Variants in GGTA1 observed in about 807,000 individuals in gnomAD.
The protein encoded by GGTA1 is glycoprotein alpha-galactosyltransferase 1 (inactive).
A neutral mutation model predicts 2.6 loss-of-function variants in GGTA1; 5 were observed. The observed-to-expected ratio is 1.92, with a 90% CI of 1.00 to 4.04. The LOEUF (loss-of-function observed/expected upper bound fraction) is 4.04, where lower values mean the gene tolerates loss of function less well. Ranked by LOEUF, GGTA1 falls within the 30% of genes most tolerant of loss-of-function variation. The probability of loss-of-function intolerance (pLI) is 0.00; values close to 1 mark genes in which losing one functional copy is unlikely to be tolerated. For missense variants in GGTA1, 50 were observed against 16.7 expected, an observed-to-expected ratio of 2.99 and a Z score of -3.47; for synonymous variants, 17 against 5.0, an observed-to-expected ratio of 3.38 and a Z score of -3.19.
intron 1 of GGTA1, among the ~76,000 whole-genome samples, chr9:121,498,568 T>C (rs1276829363): frequency 6.6e-6 from 1 of 152,222 alleles, no homozygotes; most frequent in Admixed American, 6.5e-5. Context: ...AAACTGAGGC[T>C]CTGTCTGGGA....
chr9:121,462,741 G>C lies in GGTA1; in HGVS notation c.116+552C>G, dbSNP rs182509302. ...ACAAAAGCCGGGATTTCACACCAGG[G>C]GATAAAGTATATCAGAAATGAAGGC... On this transcript the variant is annotated intron_variant, in intron 3 of 5. Transcript: ENST00000481799. 1.2e-4 allele frequency: 18 copies of C among 152,228 alleles called. 1 individual carries two copies. The East Asian group carries it at 3.3e-3, about 28-fold the overall frequency. 9.4% of individuals were successfully genotyped at this position (152,228 alleles called of 1,614,324 possible).
At chr9:121,458,096 G>C (rs2064928683) in intron 5 of GGTA1, among the ~76,000 whole-genome samples, 5 of 151,612 alleles carry the variant, frequency 3.3e-5, no homozygotes, top group Admixed American at 2.6e-4. Flanking sequence ...TTGCAGTAGA[G>C]ACGGGGTTTC....
intron 1 of GGTA1, among the ~76,000 whole-genome samples, chr9:121,495,966 A>G (rs1315129757): frequency 6.6e-6 from 1 of 152,250 alleles, no homozygotes; most frequent in East Asian, 1.9e-4. Flanking sequence ...CTACAGAAGT[A>G]GCATTTAAAG....
intron 1 of GGTA1, among the ~76,000 whole-genome samples, chr9:121,490,541 C>T (rs1405411306): frequency 1.3e-5 from 2 of 152,204 alleles, no homozygotes; most frequent in Non-Finnish European, 2.9e-5. Context: ...ACCACCAGAG[C>T]ACAACGGGCC....
rs113847390 is a variant in GGTA1, at chr9:121,475,049, C to T, written c.-9-7118G>A. 8.8e-3 allele frequency among the ~76,000 whole-genome samples: 1,342 copies of T among 152,196 alleles called. 24 individuals are homozygous for T. Among genetic ancestry groups the T allele is most frequent in the African/African-American group, 0.031 (1,268 of 41,514 alleles). On this transcript the variant is annotated intron_variant, in intron 1 of 5. Transcript: ENST00000481799. The stretch of plus-strand genomic sequence containing the variant: ...GAGCTGGGTAAAATAAGGCTGAGAC[C>T]CACTGGGCTGCATTCCCAGATGGTT...
chr9:121,475,129 A>G (rs1828479853), intron 1 of GGTA1, among the ~76,000 whole-genome samples: 1 of 152,194 alleles, frequency 6.6e-6, no homozygotes, highest in Non-Finnish European at 1.5e-5. Context: ...TACATGTCAT[A>G]AAGACCTTGC....
intron 2 of GGTA1, among the ~76,000 whole-genome samples, chr9:121,464,002 G>C (rs565582882): frequency 2.0e-5 from 3 of 152,162 alleles, no homozygotes; most frequent in Non-Finnish European, 4.4e-5. Flanking sequence ...AGCCTAGCAC[G>C]CATAACCCTA....
chr9:121,482,867 A>G (rs2118742194), intron 1 of GGTA1, among the ~76,000 whole-genome samples: 2 of 152,172 alleles, frequency 1.3e-5, no homozygotes, highest in East Asian at 3.9e-4. Flanking sequence ...AATCATTGGA[A>G]TCCGGGAGGC....
intron 1 of GGTA1, among the ~76,000 whole-genome samples, chr9:121,498,090 G>C (rs969921045): frequency 6.6e-6 from 1 of 152,210 alleles, no homozygotes; most frequent in Non-Finnish European, 1.5e-5. Context: ...GTTCTCAGGA[G>C]TTTCCCAATA....
rs551630579 is a variant in GGTA1, at chr9:121,487,641, G to T, written c.-10+12009C>A. Among the ~76,000 whole-genome samples, 189 of 148,700 alleles carry T rather than the reference G, an allele frequency of 1.3e-3. 1 individual carries two copies. The highest frequency in any genetic ancestry group is 4.4e-3 in the African/African-American group (180 of 40,616). Reference sequence around the variant, plus strand: ...CAGTCCTAAGAACCAGCGCACTAGCGCCCACCCTTGAAAATGCTCCACTGA... The same window carrying T: ...CAGTCCTAAGAACCAGCGCACTAGCTCCCACCCTTGAAAATGCTCCACTGA... On this transcript the variant is annotated intron_variant, in intron 1 of 5. Transcript: ENST00000481799.
intron 1 of GGTA1, among the ~76,000 whole-genome samples, chr9:121,489,741 G>A (rs963899018): frequency 1.3e-5 from 2 of 152,206 alleles, no homozygotes; most frequent in Admixed American, 1.3e-4. Context: ...GTGGGAAGCT[G>A]CATTCTTCGG....
At chr9:121,451,399 A>G (rs1279426918), downstream of GGTA1, among the ~76,000 whole-genome samples, 3 of 152,098 alleles carry the variant, frequency 2.0e-5, no homozygotes, top group Admixed American at 6.5e-5. Flanking sequence ...GTTAGCTAGG[A>G]TGGTCTCGAT....
At chr9:121,453,132 G>A (rs539306019), downstream of GGTA1, among the ~76,000 whole-genome samples, 1 of 152,296 alleles carries the variant, frequency 6.6e-6, no homozygotes, top group East Asian at 1.9e-4. Context: ...GGACAAAAAG[G>A]GCCCCAGATT....
chr9:121,484,467 A>G (rs1259231464), intron 1 of GGTA1, among the ~76,000 whole-genome samples: 1 of 152,026 alleles, frequency 6.6e-6, no homozygotes, highest in Non-Finnish European at 1.5e-5. Context: ...TATTTTTAGT[A>G]GAGACGGGGT....
chr9:121,491,752 G>C (rs1403760795), intron 1 of GGTA1, among the ~76,000 whole-genome samples: 1 of 152,086 alleles, frequency 6.6e-6, no homozygotes, highest in Non-Finnish European at 1.5e-5. Context: ...TGGGATTACA[G>C]GCTCCCACCA....
At chr9:121,458,964 T>C (rs1260254095) in intron 5 of GGTA1, among the ~76,000 whole-genome samples, 3 of 152,224 alleles carry the variant, frequency 2.0e-5, no homozygotes, top group Non-Finnish European at 1.5e-5. Flanking sequence ...GCAACAATGC[T>C]TCCATCTTCT....
intron 1 of GGTA1, among the ~76,000 whole-genome samples, chr9:121,489,650 A>G (rs1340237955): frequency 6.6e-6 from 1 of 152,242 alleles, no homozygotes; most frequent in Non-Finnish European, 1.5e-5. Context: ...GGCAAAGACC[A>G]CATACCAGAG....
At chr9:121,465,011 A>ACC (rs2064994093) in intron 2 of GGTA1, among the ~76,000 whole-genome samples, 2 of 149,638 alleles carry the variant, frequency 1.3e-5, no homozygotes, top group East Asian at 2.0e-4. Flanking sequence ...CAAACAAAAA[A>ACC]AAAAAAACAA....
chr9:121,463,476 C>A (rs903162681), intron 2 of GGTA1, 148 bp from the exon 3 acceptor site: 9 of 360,554 alleles, frequency 2.5e-5, no homozygotes, highest in Non-Finnish European at 4.8e-5. Context: ...GAGACATAAC[C>A]AATGACATCA....
Sources: allele counts gnomAD v4.1 joint callset (sites outside exome capture counted in the v4.1 genomes callset), GRCh38; gene constraint gnomAD v4.1.1; transcripts MANE v1.5; gene names NCBI Gene and HGNC (gene_info 2026-07-23, HGNC 2026-07-21).